PROX1: variants seen among roughly 807,000 people sequenced by gnomAD.
The protein encoded by PROX1 is prospero homeobox 1, also known as prospero homeobox protein 1.
Under a neutral mutation model 58.8 loss-of-function variants are expected in PROX1, and 7 were observed. The observed-to-expected ratio is 0.12, with a 90% confidence interval of 0.07 to 0.22. The LOEUF is 0.22. Ranked by LOEUF, PROX1 falls within the 10% of genes least tolerant of loss-of-function variation. PROX1 has a pLI of 1.00. For missense variants in PROX1, 675 were observed against 927.8 expected, an observed-to-expected ratio of 0.73 and a Z score of 3.54; for synonymous variants, 350 against 358.3, an observed-to-expected ratio of 0.98 and a Z score of 0.26.
chr1:213,984,548 C>T (rs1186980705), upstream of PROX1: 1 of 150,494 alleles, frequency 6.6e-6, no homozygotes, highest in African/African-American at 2.4e-5. Flanking sequence ...GATCTTGTGG[C>T]ATTTCACTTC....
intron 1 of PROX1, among the ~76,000 whole-genome samples, chr1:213,991,686 G>A (rs1420046367): frequency 6.6e-6 from 1 of 152,168 alleles, no homozygotes; most frequent in Admixed American, 6.5e-5. Context: ...TCTATAAGCA[G>A]CACATGCTAT....
Position 213,996,589 on chromosome 1 carries a change from A to G in PROX1, c.54A>G (p.Arg18=). 2 of 1,614,158 alleles carry G rather than the reference A, an allele frequency of 1.2e-6. No individual in the cohort carries two copies. The highest frequency in any genetic ancestry group is 2.2e-5 in the South Asian group (2 of 91,088). The change falls in exon 2 of 5, where the codon AGA becomes AGG. Residue 18 remains arginine (R), a synonymous_variant. Transcript: ENST00000366958. The part of the protein sequence containing the change: ...ALLSRQTKRR[R]VDIGVKRTVG... ...TAAGCCGGCAAACCAAGAGGAGAAG[A>G]GTTGACATTGGAGTGAAAAGGACGG...
intron 1 of PROX1, chr1:213,989,672 C>CAA (rs1378906158): frequency 6.6e-6 from 1 of 152,620 alleles, no homozygotes; most frequent in Non-Finnish European, 1.5e-5. Context: ...AGACATCACC[C>CAA]AAAGTCCAGT....
chr1:214,018,344 G>A (rs437273), intron 4 of PROX1, among the ~76,000 whole-genome samples: 150,258 of 152,350 alleles, frequency 0.99, 74,135 homozygotes, highest in Middle Eastern at 1. Context: ...TTGATGAAGC[G>A]TAGACGTTTA....
chr1:214,026,104 G>A (rs1664448445), intron 4 of PROX1, among the ~76,000 whole-genome samples: 1 of 151,712 alleles, frequency 6.6e-6, no homozygotes, highest in Non-Finnish European at 1.5e-5. Flanking sequence ...AGAGAATGAG[G>A]TATTAGGTTT....
chr1:214,038,197 T>G lies in PROX1; in HGVS notation c.*2363T>G, dbSNP rs564595387. ...ATCTACTGATAATATCCTCTCAATG[T>G]TCACTGAGGCATAGAAATTATTTCA... On this transcript the variant is annotated 3_prime_UTR_variant, in exon 5 of 5. Coordinates refer to ENST00000366958, the MANE Select transcript of PROX1 (RefSeq NM_001270616.2). 1 of 152,340 alleles carries G rather than the reference T, an allele frequency of 6.6e-6. No individual in the cohort carries two copies. Among genetic ancestry groups the G allele is most frequent in the Non-Finnish European group, 1.5e-5 (1 of 68,030 alleles). 9.4% of individuals were successfully genotyped at this position (152,340 alleles called of 1,614,324 possible). A position where few individuals can be genotyped will look rare whatever the true frequency, so the allele number is the denominator to read the frequency against.
intron 4 of PROX1, among the ~76,000 whole-genome samples, chr1:214,032,161 G>A (rs549262106): frequency 6.6e-6 from 1 of 152,124 alleles, no homozygotes; most frequent in Non-Finnish European, 1.5e-5. Context: ...AGATTACAGA[G>A]GCACAGCTTT....
At chr1:214,022,264 G>T (rs949335006) in intron 4 of PROX1, among the ~76,000 whole-genome samples, 3 of 152,306 alleles carry the variant, frequency 2.0e-5, no homozygotes, top group African/African-American at 2.4e-5. Flanking sequence ...TAAAATAGGG[G>T]ATGTAATAGT....
In PROX1 at chr1:214,040,290, A is replaced by C. The variant is rs1402563444; in HGVS notation, c.*4456A>C. Reference sequence around the variant, plus strand: ...TGCATCTTCTTATAATTATCCTTCTAAGAATATAACAGAATGTGGAAGTGT... The same window carrying C: ...TGCATCTTCTTATAATTATCCTTCTCAGAATATAACAGAATGTGGAAGTGT... On this transcript the variant is annotated 3_prime_UTR_variant, in exon 5 of 5. Transcript: ENST00000366958. The C allele has an allele frequency of 6.6e-6, 1 of 152,182 alleles. No individual in the cohort carries two copies. Among genetic ancestry groups the C allele is most frequent in the Non-Finnish European group, 1.5e-5 (1 of 68,036 alleles). The allele number at this position is 152,182 out of a possible 1,614,324, so 9.4% of individuals were successfully genotyped here. A position where few individuals can be genotyped will look rare whatever the true frequency, so the allele number is the denominator to read the frequency against.
At chr1:214,011,417 C>A in intron 3 of PROX1, 104 bp from the exon 4 acceptor site, 2 of 1,070,478 alleles carry the variant, frequency 1.9e-6, no homozygotes, top group South Asian at 1.7e-5. Flanking sequence ...CGTATCTTTC[C>A]AAGTAAAGAA....
intron 1 of PROX1, among the ~76,000 whole-genome samples, chr1:213,989,303 G>T (rs1186777128): frequency 1.3e-5 from 2 of 151,886 alleles, no homozygotes. Flanking sequence ...GGGTCAAGTT[G>T]AGTAGGGTAA....
chr1:214,000,943 G>T (rs559179154), intron 2 of PROX1, among the ~76,000 whole-genome samples: 1 of 152,092 alleles, frequency 6.6e-6, no homozygotes, highest in African/African-American at 2.4e-5. Context: ...ATATGATCCG[G>T]TTGTACAGTT....
chr1:214,016,887 T>C (rs533363780), intron 4 of PROX1, among the ~76,000 whole-genome samples: 1 of 152,332 alleles, frequency 6.6e-6, no homozygotes, highest in South Asian at 2.1e-4. Flanking sequence ...GTAATGTCAT[T>C]GCATTTTTAG....
intron 4 of PROX1, among the ~76,000 whole-genome samples, chr1:214,014,041 G>A (rs1664010127): frequency 6.6e-6 from 1 of 152,126 alleles, no homozygotes; most frequent in Admixed American, 6.5e-5. Context: ...TTTTCTTTTA[G>A]CCTCTCGGTC....
rs748627805 is a variant in PROX1, at chr1:213,996,523, T to C, written c.-13T>C. The C allele has an allele frequency of 6.2e-7, 1 of 1,603,080 alleles. No homozygotes were observed. The highest frequency in any genetic ancestry group is 8.5e-7 in the Non-Finnish European group (1 of 1,172,794). Reference sequence around the variant, plus strand: ...TGACGAGCTTTTGAAGATGGCACAATAACCGTCCAGTGATGCCTGACCATG... The same window carrying C: ...TGACGAGCTTTTGAAGATGGCACAACAACCGTCCAGTGATGCCTGACCATG... On this transcript the variant is annotated 5_prime_UTR_variant, in exon 2 of 5. An upstream open reading frame in the 5' UTR loses its in-frame stop. Coordinates refer to ENST00000366958, the MANE Select transcript of PROX1 (RefSeq NM_001270616.2).
At chr1:214,010,084 A>G (rs965868213) in intron 3 of PROX1, among the ~76,000 whole-genome samples, 5 of 152,298 alleles carry the variant, frequency 3.3e-5, no homozygotes, top group Middle Eastern at 3.4e-3. Flanking sequence ...TTGTCTTTTT[A>G]ATCGGGTTCC....
At chr1:214,018,555 T>A (rs988719244) in intron 4 of PROX1, among the ~76,000 whole-genome samples, 1 of 152,168 alleles carries the variant, frequency 6.6e-6, no homozygotes, top group African/African-American at 2.4e-5. Context: ...AAGAGAACCG[T>A]CTATTAATGA....
chr1:214,027,939 G>A (rs192374100), intron 4 of PROX1, among the ~76,000 whole-genome samples: 369 of 146,488 alleles, frequency 2.5e-3, no homozygotes, highest in Middle Eastern at 3.6e-3. Flanking sequence ...TAGTTTTTAG[G>A]TTTTTTTTTT....
intron 4 of PROX1, among the ~76,000 whole-genome samples, chr1:214,022,976 C>A (rs1161056593): frequency 6.6e-6 from 1 of 152,210 alleles, no homozygotes; most frequent in Non-Finnish European, 1.5e-5. Context: ...GCTTAATTAT[C>A]TCAGTCAAAA....
Sources: gnomAD v4.1 joint callset for allele counts (sites outside exome capture counted in the v4.1 genomes callset) on GRCh38, gnomAD v4.1.1 for gene constraint, MANE v1.5 for transcripts, NCBI Gene and HGNC (gene_info 2026-07-23, HGNC 2026-07-21) for gene names.